The following PEG3 variants were observed in gnomAD, a reference collection of about 807,000 sequenced individuals.
PEG3 encodes paternally-expressed gene 3 protein.
A neutral mutation model predicts 35.5 loss-of-function variants in PEG3; 23 were observed. That is an observed-to-expected ratio of 0.65 (90% CI 0.47 to 0.92). The LOEUF (loss-of-function observed/expected upper bound fraction) is 0.92, where lower values mean the gene tolerates loss of function less well. Ranked by LOEUF, PEG3 falls within the 40% of genes least tolerant of loss-of-function variation. The pLI, the probability that PEG3 is intolerant of heterozygous loss-of-function variation, is 0.00. For synonymous variants in PEG3, 707 were observed against 697.0 expected, an observed-to-expected ratio of 1.01 and a Z score of -0.23; for missense variants, 1,960 against 1,985.3, an observed-to-expected ratio of 0.99 and a Z score of 0.24.
Position 56,817,759 on chromosome 19 carries a change from T to C in PEG3, c.849A>G (p.Pro283=). The C allele has an allele frequency of 6.2e-7, 1 of 1,613,998 alleles. No homozygotes were observed. Among genetic ancestry groups the C allele is most frequent in the East Asian group, 2.2e-5 (1 of 44,874 alleles). ...HSSRSKRSAY[P]STSRGLKTMP... is the part of the protein sequence containing the mutation. ...CCTCCTGCTTACCTCGACTGGTGCT[T>C]GGGTAGGCACTTCTCTTGGATCTTG... The change falls in exon 9 of 10, where the codon CCA becomes CCG. Residue 283 remains proline (P), a synonymous_variant. Coordinates refer to ENST00000326441, the MANE Select transcript of PEG3 (RefSeq NM_006210.3).
chr19:56,819,787 T>A (rs2060301651), intron 7 of PEG3, among the ~76,000 whole-genome samples: 8 of 152,146 alleles, frequency 5.3e-5, no homozygotes, highest in Admixed American at 5.2e-4. Flanking sequence ...GAAATACAAA[T>A]GTCTTGATAT....
Position 56,814,789 on chromosome 19 carries a change from G to GGATTCCTCTCTGCAGCAC in PEG3, c.3635_3652dup (p.Arg1212_Asn1217dup), listed in dbSNP as rs753083486. On this transcript the variant is annotated inframe_insertion, in exon 10 of 10. Coordinates refer to ENST00000326441, the MANE Select transcript of PEG3 (RefSeq NM_006210.3). The surrounding 1 kb of genome is among the most constrained non-coding windows in gnomAD (Gnocchi z 5.8). ...TCGAATGGCCGACCCAGCAAGAGCAGGATTCCTCTCTGCAGCACGATTCCT... is the reference window on the plus strand; with the variant it reads ...TCGAATGGCCGACCCAGCAAGAGCAGGATTCCTCTCTGCAGCACGATTCCTCTCTGCAGCACGATTCCT... The GGATTCCTCTCTGCAGCAC allele has an allele frequency of 1.9e-6, 3 of 1,614,162 alleles. No individual in the cohort carries two copies. The highest frequency in any genetic ancestry group is 8.5e-7 in the Non-Finnish European group (1 of 1,180,032).
chr19:56,818,603 G>T lies in PEG3; in HGVS notation c.769C>A (p.Leu257Ile). ...ACTGAGAGAAGCAGCTGCTTACCGA[G>T]GGAGAGCAGCTTCCTGTAGTTTTCC... Reference protein sequence around the residue: ...NMENYRKLLSLVQLAEDDGHS... With the variant: ...NMENYRKLLSIVQLAEDDGHS... The change falls in exon 8 of 10, where the codon CTC becomes ATC. Residue 257 changes from leucine to isoleucine, a missense_variant. Physicochemically the swap from Leu to Ile is conservative, Grantham distance 5. Around this residue, in one of 5 missense-constraint regions of PEG3, gnomAD observed 613 missense variants for 577.1 expected, o/e 1.06. Coordinates refer to ENST00000326441, the MANE Select transcript of PEG3 (RefSeq NM_006210.3). The T allele has an allele frequency of 6.2e-7, 1 of 1,614,018 alleles. No individual in the cohort carries two copies. Among genetic ancestry groups the T allele is most frequent in the Non-Finnish European group, 8.5e-7 (1 of 1,179,956 alleles).
intron 2 of PEG3, among the ~76,000 whole-genome samples, chr19:56,827,331 A>G (rs2061140867): frequency 6.6e-6 from 1 of 152,116 alleles, no homozygotes; most frequent in African/African-American, 2.4e-5. Flanking sequence ...CATGCTCAAG[A>G]TTTTCTGACC....
chr19:56,824,291 T>A lies in PEG3; in HGVS notation c.365A>T (p.Glu122Val). 1 of 1,614,052 alleles carries A rather than the reference T, an allele frequency of 6.2e-7. No homozygotes were observed. The highest frequency in any genetic ancestry group is 8.5e-7 in the Non-Finnish European group (1 of 1,180,030). Residue 122 changes from glutamate to valine, a missense_variant, in exon 4 of 10, where the codon GAG (glutamate) becomes GTG (valine). By Grantham distance (121) the Glu-to-Val change is moderately radical (BLOSUM62 -2). Transcript: ENST00000326441. ...ENCEKLVTLL[E>V]NYKEMYQPED... ...TGGTTGGTACATCTCCTTGTAATTC[T>A]CCAGCAGAGTGACGAGCTTCTCACA...
chr19:56,817,566 CAT>C lies in PEG3; in HGVS notation c.874_875del (p.Met292AlafsTer2). 1 of 1,590,944 alleles carries C rather than the reference CAT, an allele frequency of 6.3e-7. No individual in the cohort carries two copies. The highest frequency in any genetic ancestry group is 8.6e-7 in the Non-Finnish European group (1 of 1,167,964). On this transcript the variant is annotated frameshift_variant, in exon 10 of 10. Transcript: ENST00000326441. LOFTEE classifies it low-confidence loss of function (END_TRUNC). ...YPSTSRGLKT[M>X]PEAKKSTHRR... ...GGTGGGTTGATTTTTTGGCTTCAGG[CAT>C]AGTTTTTAGACCTGGAAAGAAACCC...
intron 2 of PEG3, chr19:56,833,289 C>A: frequency 2.3e-6 from 1 of 427,448 alleles, no homozygotes; most frequent in South Asian, 1.7e-5. Flanking sequence ...GTTCTACCTA[C>A]CTCATTAAAA....
chr19:56,833,182 G>A (rs150907574), intron 2 of PEG3: 378 of 516,886 alleles, frequency 7.3e-4, no homozygotes, highest in Non-Finnish European at 1.3e-3. Context: ...CATCCCATCT[G>A]ATGCAGGAGA....
chr19:56,828,488 A>G (rs1366517750), intron 2 of PEG3, among the ~76,000 whole-genome samples: 1 of 152,232 alleles, frequency 6.6e-6, no homozygotes, highest in East Asian at 1.9e-4. Flanking sequence ...AGCACTGTTT[A>G]CAACAGCAGA....
rs946779936 is a variant in PEG3, at chr19:56,811,778, A to G, written c.*1897T>C. The G allele has an allele frequency of 1.0e-6, 1 of 985,312 alleles. No homozygotes were observed. The highest frequency in any genetic ancestry group is 6.2e-5 in the Admixed American group (1 of 16,252). The allele number at this position is 985,312 out of a possible 1,614,324, so 61.0% of individuals were successfully genotyped here. A position where few individuals can be genotyped will look rare whatever the true frequency, so the allele number is the denominator to read the frequency against. On this transcript the variant is annotated 3_prime_UTR_variant, in exon 10 of 10. Coordinates refer to ENST00000326441, the MANE Select transcript of PEG3 (RefSeq NM_006210.3). ...AGCCAGCCCTCACCTACACCATACC[A>G]TCAAAAACTCCTTTTCCAAACTGCT...
chr19:56,812,360 A>G lies in PEG3; in HGVS notation c.*1315T>C. 1 of 984,738 alleles carries G rather than the reference A, an allele frequency of 1.0e-6. No homozygotes were observed. Among genetic ancestry groups the G allele is most frequent in the Non-Finnish European group, 1.2e-6 (1 of 829,352 alleles). The allele number at this position is 984,738 out of a possible 1,614,324, so 61.0% of individuals were successfully genotyped here. A position where few individuals can be genotyped will look rare whatever the true frequency, so the allele number is the denominator to read the frequency against. On this transcript the variant is annotated 3_prime_UTR_variant, in exon 10 of 10. Coordinates refer to ENST00000326441, the MANE Select transcript of PEG3 (RefSeq NM_006210.3). Reference sequence around the variant, plus strand: ...AAAAGAAGGAACAGATGTTAACAAAACAAATTAAGGCTGCTGGGGAACCTG... The same window carrying G: ...AAAAGAAGGAACAGATGTTAACAAAGCAAATTAAGGCTGCTGGGGAACCTG...
intron 2 of PEG3, among the ~76,000 whole-genome samples, chr19:56,827,914 C>T (rs971314111): frequency 7.2e-5 from 11 of 152,270 alleles, no homozygotes; most frequent in African/African-American, 2.4e-4. Flanking sequence ...GATGACTAAT[C>T]GCAATTGCCT....
In PEG3 at chr19:56,824,756, G is replaced by C. The variant is rs961726487; in HGVS notation, c.-86-15C>G. 3.5e-6 allele frequency: 4 copies of C among 1,140,040 alleles called. No homozygotes were observed. The highest frequency in any genetic ancestry group is 5.0e-6 in the Non-Finnish European group (4 of 796,228). The allele number at this position is 1,140,040 out of a possible 1,614,324, so 70.6% of individuals were successfully genotyped here. On this transcript the variant is annotated splice_polypyrimidine_tract_variant and intron_variant, in intron 3 of 9. Coordinates refer to ENST00000326441, the MANE Select transcript of PEG3 (RefSeq NM_006210.3). Reference sequence around the variant, plus strand: ...TACTCAGGGACCTGTGGATCGTAAGGAGATATACACATGTCCCAGAAGTTG... The same window carrying C: ...TACTCAGGGACCTGTGGATCGTAAGCAGATATACACATGTCCCAGAAGTTG...
rs1245032216 is a variant in PEG3 at position 56,817,855 on chromosome 19, T to C, written c.773-20A>G. ...GCTGCACTCCTGGTCACAAGGACAA[T>C]ATGATGCCTCAAATTCAAGTTGAGG... is the stretch of plus-strand genomic sequence containing the variant. On this transcript the variant is annotated intron_variant, in intron 8 of 9. Coordinates refer to ENST00000326441, the MANE Select transcript of PEG3 (RefSeq NM_006210.3). The C allele has an allele frequency of 6.2e-7, 1 of 1,603,244 alleles. No individual in the cohort carries two copies. The highest frequency in any genetic ancestry group is 1.3e-5 in the African/African-American group (1 of 74,702).
rs2059729922 is a variant in PEG3, at chr19:56,813,951, C to T, written c.4491G>A (p.Glu1497=). ...CATAGTATGGTTCTTCTACCTGAATCTCTTGATCTTCACCTTCTTCTGGGT... is the reference window on the plus strand; with the variant it reads ...CATAGTATGGTTCTTCTACCTGAATTTCTTGATCTTCACCTTCTTCTGGGT... ...IEDPEEGEDQ[E]IQVEEPYYDC... The change falls in exon 10 of 10, where the codon GAG becomes GAA. Residue 1497 remains glutamate (E), a synonymous_variant. Coordinates refer to ENST00000326441, the MANE Select transcript of PEG3 (RefSeq NM_006210.3). 1 of 1,614,158 alleles carries T rather than the reference C, an allele frequency of 6.2e-7. No homozygotes were observed. The highest frequency in any genetic ancestry group is 1.6e-4 in the Middle Eastern group (1 of 6,062).
intron 2 of PEG3, 61 bp from the exon 3 acceptor site, chr19:56,826,524 G>C (rs2061047564): frequency 6.6e-6 from 1 of 152,248 alleles, no homozygotes. Flanking sequence ...TGTAGAAGGA[G>C]TGTCAGAGAA....
In PEG3 at chr19:56,814,908, A is replaced by G. The variant is rs1239652382; in HGVS notation, c.3534T>C (p.Leu1178=). 1.2e-6 allele frequency: 2 copies of G among 1,614,168 alleles called. No individual in the cohort carries two copies. Among genetic ancestry groups the G allele is most frequent in the East Asian group, 4.5e-5 (2 of 44,882 alleles). The stretch of plus-strand genomic sequence containing the variant: ...GTTCATGGATTCTCTGATGCTCGAA[A>G]AGGAATGAGCTATGAATAAAAGATT... ...CGESFIHSSF[L]FEHQRIHEQD... is the part of the protein sequence containing the mutation. The change falls in exon 10 of 10, where the codon CTT becomes CTC. Residue 1178 remains leucine, a synonymous_variant. Coordinates refer to ENST00000326441, the MANE Select transcript of PEG3 (RefSeq NM_006210.3). The surrounding 1 kb of genome is among the most constrained non-coding windows in gnomAD (Gnocchi z 5.8).
rs1476722651 is a variant in PEG3 at position 56,810,758 on chromosome 19, T to C, written c.*2917A>G. On this transcript the variant is annotated 3_prime_UTR_variant, in exon 10 of 10. Coordinates refer to ENST00000326441, the MANE Select transcript of PEG3 (RefSeq NM_006210.3). ...ACACTGTTATCACAAGCGTGTGCACTGAAACAAGATAGAGGAAACAGATCA... is the reference window on the plus strand; with the variant it reads ...ACACTGTTATCACAAGCGTGTGCACCGAAACAAGATAGAGGAAACAGATCA... 1.0e-6 allele frequency: 1 copy of C among 983,532 alleles called. No homozygotes were observed. The highest frequency in any genetic ancestry group is 1.7e-5 in the African/African-American group (1 of 57,198). The allele number at this position is 983,532 out of a possible 1,614,324, so 60.9% of individuals were successfully genotyped here.
chr19:56,839,778 G>A (rs1486835431), intron 1 of PEG3, among the ~76,000 whole-genome samples: 1 of 151,636 alleles, frequency 6.6e-6, no homozygotes, highest in African/African-American at 2.4e-5. Flanking sequence ...AACAGCGCCT[G>A]CGCGGCAAAC....
Sources: gnomAD v4.1 joint callset for allele counts (sites outside exome capture counted in the v4.1 genomes callset) on GRCh38, gnomAD v4.1.1 for gene constraint, gnomAD v4.1.1 regional missense constraint, Gnocchi (gnomAD v3.1) non-coding constraint, MANE v1.5 for transcripts, NCBI Gene and HGNC (gene_info 2026-07-23, HGNC 2026-07-21) for gene names.